FTO: variants seen among roughly 807,000 people sequenced by gnomAD.
FTO encodes FTO alpha-ketoglutarate dependent dioxygenase.
FTO carries 47 observed loss-of-function variants against 63.9 expected under a neutral mutation model. That is an observed-to-expected ratio of 0.74 (90% CI 0.58 to 0.94). The LOEUF is 0.94. Ranked by LOEUF, FTO falls within the 40% of genes least tolerant of loss-of-function variation. FTO has a pLI of 0.00. For synonymous variants in FTO, 207 were observed against 224.4 expected (o/e 0.92, Z 0.69); for missense variants, 562 against 618.1 (o/e 0.91, Z 0.96).
At chr16:53,764,955 A>T (rs2077164472) in intron 1 of FTO, among the ~76,000 whole-genome samples, 1 of 151,950 alleles carries the variant, frequency 6.6e-6, no homozygotes, top group Non-Finnish European at 1.5e-5. Context: ...CCTGACCTCA[A>T]ATGATCTGCC....
chr16:53,847,352 G>T (rs1329067819), intron 4 of FTO, among the ~76,000 whole-genome samples: 1 of 152,206 alleles, frequency 6.6e-6, no homozygotes, highest in Non-Finnish European at 1.5e-5. Context: ...CTGGCATGAT[G>T]CCTCCGCCTC....
intron 3 of FTO, among the ~76,000 whole-genome samples, 180 bp downstream of exon 3, chr16:53,826,671 C>A (rs1363236295): frequency 1.3e-5 from 2 of 152,158 alleles, no homozygotes; most frequent in Non-Finnish European, 2.9e-5. Flanking sequence ...TGTATGTCTG[C>A]AGAATATGCC....
intron 8 of FTO, among the ~76,000 whole-genome samples, chr16:54,001,217 G>A (rs996639787): frequency 1.3e-5 from 2 of 152,134 alleles, no homozygotes; most frequent in African/African-American, 4.8e-5. Flanking sequence ...TTTTTAACTA[G>A]CTTATATTAA....
At chr16:53,912,744 T>A (rs1463956822) in intron 7 of FTO, among the ~76,000 whole-genome samples, 1 of 152,190 alleles carries the variant, frequency 6.6e-6, no homozygotes, top group African/African-American at 2.4e-5. Flanking sequence ...CCAGGCACAT[T>A]TGTTCTGCGA....
intron 1 of FTO, among the ~76,000 whole-genome samples, chr16:53,741,815 G>C (rs548118565): frequency 4.1e-4 from 62 of 152,268 alleles, no homozygotes; most frequent in African/African-American, 1.3e-3. Context: ...ATACAGCTTA[G>C]CTAGTTGTCT....
intron 1 of FTO, among the ~76,000 whole-genome samples, chr16:53,787,126 A>AAAAG (rs2077765990): frequency 6.7e-6 from 1 of 149,318 alleles, no homozygotes; most frequent in African/African-American, 2.5e-5. Flanking sequence ...AAAAAAAAAA[A>AAAAG]AAAAAAAAAA....
intron 1 of FTO, among the ~76,000 whole-genome samples, chr16:53,726,694 C>T (rs972574320): frequency 6.6e-6 from 1 of 152,234 alleles, no homozygotes; most frequent in African/African-American, 2.4e-5. Context: ...AGAATGAGAA[C>T]ATTTTGCATG....
chr16:53,921,167 G>C (rs956069010), intron 7 of FTO, among the ~76,000 whole-genome samples: 23 of 152,312 alleles, frequency 1.5e-4, no homozygotes, highest in Admixed American at 1.2e-3. Context: ...TGTCTCACTT[G>C]TTAGGGACTG....
At chr16:53,737,281 A>G (rs527608563) in intron 1 of FTO, among the ~76,000 whole-genome samples, 1 of 152,372 alleles carries the variant, frequency 6.6e-6, no homozygotes, top group African/African-American at 2.4e-5. Flanking sequence ...ACACACATAT[A>G]CAATCATGCA....
chr16:53,868,385 G>A (rs139397692), intron 4 of FTO, among the ~76,000 whole-genome samples: 2,581 of 151,928 alleles, frequency 0.017, 31 homozygotes, highest in Non-Finnish European at 0.026. Context: ...GTGACCTAGA[G>A]GTTGCAGTAT....
At chr16:53,846,799 C>T (rs1212060121) in intron 4 of FTO, among the ~76,000 whole-genome samples, 3 of 97,284 alleles carry the variant, frequency 3.1e-5, no homozygotes, top group Non-Finnish European at 4.1e-5. Flanking sequence ...AAGACTCAGT[C>T]TCAAAAAAAA....
At chr16:53,739,032 G>T (rs1422284831) in intron 1 of FTO, among the ~76,000 whole-genome samples, 1 of 151,960 alleles carries the variant, frequency 6.6e-6, no homozygotes. Flanking sequence ...CCCATATGTT[G>T]CCCAAACTGG....
intron 3 of FTO, among the ~76,000 whole-genome samples, chr16:53,841,764 T>G (rs142004026): frequency 1.3e-5 from 2 of 152,358 alleles, no homozygotes; most frequent in African/African-American, 4.8e-5. Context: ...ATGTGATATA[T>G]ACATGATACA....
At position 53,844,150 on chromosome 16, in the gene FTO, G is replaced by T; in HGVS notation, c.752-5G>T. 6.2e-7 allele frequency: 1 copy of T among 1,611,988 alleles called. No homozygotes were observed. The highest frequency in any genetic ancestry group is 1.7e-5 in the Admixed American group (1 of 59,980). On this transcript the variant is annotated splice_region_variant and splice_polypyrimidine_tract_variant and intron_variant, in intron 3 of 8. Transcript: ENST00000471389. ...CTTTCTGATCATTTTCTTCTCTTTTGGCAGGCCCTGAAGAGGAAAGTGAGG... is the reference window on the plus strand; with the variant it reads ...CTTTCTGATCATTTTCTTCTCTTTTTGCAGGCCCTGAAGAGGAAAGTGAGG...
intron 4 of FTO, among the ~76,000 whole-genome samples, chr16:53,863,270 G>C (rs2080225707): frequency 6.6e-6 from 1 of 152,192 alleles, no homozygotes; most frequent in African/African-American, 2.4e-5. Context: ...CCTTTGAACT[G>C]TAGTAATTTT....
intron 1 of FTO, among the ~76,000 whole-genome samples, chr16:53,716,876 G>A (rs1013799928): frequency 3.3e-5 from 5 of 150,284 alleles, no homozygotes; most frequent in Non-Finnish European, 7.4e-5. Context: ...TTAGAATATT[G>A]TTATTATGCT....
At position 53,888,749 on chromosome 16, in the gene FTO, G is replaced by A. The variant is rs1598915125; in HGVS notation, c.1120-83G>A. The A allele has an allele frequency of 3.4e-6, 5 of 1,452,836 alleles. No individual in the cohort carries two copies. The East Asian group carries it at 9.1e-5, about 26-fold the overall frequency. The allele number at this position is 1,452,836 out of a possible 1,614,324, so 90.0% of individuals were successfully genotyped here. On this transcript the variant is annotated intron_variant, in intron 6 of 8. Transcript: ENST00000471389. Reference sequence around the variant, plus strand: ...ATCCTATGGCCATCAAGTTACTGGAGGAGAATTAAGAGACGAAGTCATTGT... The same window carrying A: ...ATCCTATGGCCATCAAGTTACTGGAAGAGAATTAAGAGACGAAGTCATTGT...
rs768415360 is a variant in FTO at position 53,826,316 on chromosome 16, C to T, written c.576C>T (p.Asp192=). The change falls in exon 3 of 9, where the codon GAC becomes GAT. Residue 192 remains aspartate, a synonymous_variant. Transcript: ENST00000471389. ...GSSYNGQDEV[D]IKSRAAYNVT... is the part of the protein sequence containing the mutation. ...CCTACAACGGACAAGATGAAGTGGA[C>T]ATTAAGAGCAGAGCAGCATACAACG... The T allele has an allele frequency of 6.2e-7, 1 of 1,614,144 alleles. No individual in the cohort carries two copies. The highest frequency in any genetic ancestry group is 8.5e-7 in the Non-Finnish European group (1 of 1,180,018).
intron 1 of FTO, among the ~76,000 whole-genome samples, chr16:53,725,446 T>C (rs1166995271): frequency 6.6e-6 from 1 of 152,220 alleles, no homozygotes; most frequent in Non-Finnish European, 1.5e-5. Context: ...AGTGTGTACT[T>C]ATGGCTTGGA....
Sources: gnomAD v4.1 joint callset for allele counts (sites outside exome capture counted in the v4.1 genomes callset) on GRCh38, gnomAD v4.1.1 for gene constraint, MANE v1.5 for transcripts, NCBI Gene and HGNC (gene_info 2026-07-23, HGNC 2026-07-21) for gene names.